Variants in CTNNA3 observed in about 807,000 individuals in gnomAD.
The protein encoded by CTNNA3 is catenin alpha-3.
CTNNA3 carries 76 observed loss-of-function variants against 95.7 expected under a neutral mutation model. That is an observed-to-expected ratio of 0.79 (90% CI 0.66 to 0.96). CTNNA3 has a LOEUF of 0.96. Among genes scored for constraint, CTNNA3 ranks in the 40% least tolerant of loss-of-function variants. The probability of loss-of-function intolerance (pLI) is 0.00; values close to 1 mark genes in which losing one functional copy is unlikely to be tolerated. For missense variants in CTNNA3, 1,191 were observed against 1,089.8 expected, an observed-to-expected ratio of 1.09 and a Z score of -1.31; for synonymous variants, 431 against 374.4, an observed-to-expected ratio of 1.15 and a Z score of -1.74.
At chr10:67,287,755 A>G (rs1207297527) in intron 5 of CTNNA3, among the ~76,000 whole-genome samples, 2 of 152,222 alleles carry the variant, frequency 1.3e-5, no homozygotes, top group Non-Finnish European at 2.9e-5. Context: ...TTAGAACACC[A>G]GCATTTGATA....
At chr10:67,752,529 G>A (rs921666731) in intron 1 of CTNNA3, among the ~76,000 whole-genome samples, 4 of 152,202 alleles carry the variant, frequency 2.6e-5, no homozygotes, top group African/African-American at 4.8e-5. Flanking sequence ...AGGAAGAGAG[G>A]AAGTTAAACT....
At chr10:67,759,318 T>TA (rs1841450300) in intron 1 of CTNNA3, among the ~76,000 whole-genome samples, 1 of 152,190 alleles carries the variant, frequency 6.6e-6, no homozygotes, top group Non-Finnish European at 1.5e-5. Flanking sequence ...CCAATTCATA[T>TA]AAAATTACAG....
At chr10:66,357,320 CT>C (rs1354685887) in intron 12 of CTNNA3, among the ~76,000 whole-genome samples, 3 of 151,860 alleles carry the variant, frequency 2.0e-5, no homozygotes, top group Admixed American at 6.6e-5. Context: ...TCTTCAGTGA[CT>C]TTTTTTTGAC....
At chr10:67,572,339 T>A (rs1842006534) in intron 3 of CTNNA3, among the ~76,000 whole-genome samples, 1 of 151,988 alleles carries the variant, frequency 6.6e-6, no homozygotes, top group South Asian at 2.1e-4. Flanking sequence ...CCATAGGAGG[T>A]CTGGAGAGTG....
intron 7 of CTNNA3, among the ~76,000 whole-genome samples, chr10:66,946,006 T>C (rs1408295168): frequency 6.6e-6 from 1 of 152,124 alleles, no homozygotes; most frequent in Admixed American, 6.6e-5. Context: ...ATAATAATCA[T>C]GAAAATGTTT....
At chr10:67,573,578 C>CTGA (rs1842045148) in intron 3 of CTNNA3, among the ~76,000 whole-genome samples, 1 of 151,926 alleles carries the variant, frequency 6.6e-6, no homozygotes, top group African/African-American at 2.4e-5. Flanking sequence ...TTTGTAAAAG[C>CTGA]TGAAAAGAAG....
At chr10:67,059,231 A>G (rs1027085265) in intron 7 of CTNNA3, among the ~76,000 whole-genome samples, 2 of 152,198 alleles carry the variant, frequency 1.3e-5, no homozygotes, top group African/African-American at 4.8e-5. Flanking sequence ...GAGCCAGATC[A>G]CCATTTTCCA....
chr10:66,579,524 T>G (rs970356776), intron 10 of CTNNA3, among the ~76,000 whole-genome samples: 20 of 151,792 alleles, frequency 1.3e-4, no homozygotes, highest in African/African-American at 4.3e-4. Flanking sequence ...TATTACAGAC[T>G]TAGAGGTATT....
chr10:67,260,431 C>T (rs78724249), intron 5 of CTNNA3, among the ~76,000 whole-genome samples: 4,820 of 152,222 alleles, frequency 0.032, 249 homozygotes, highest in African/African-American at 0.11. Context: ...AGTTTCTCCA[C>T]AAAATAATTT....
At chr10:67,609,090 C>CAAAAAAAAA (rs397977100) in intron 2 of CTNNA3, among the ~76,000 whole-genome samples, 3 of 79,662 alleles carry the variant, frequency 3.8e-5, no homozygotes, top group Middle Eastern at 9.1e-3. Flanking sequence ...AACTCTATCT[C>CAAAAAAAAA]AAAAAAAAAA....
intron 13 of CTNNA3, among the ~76,000 whole-genome samples, chr10:66,128,530 T>C (rs1459065755): frequency 6.6e-6 from 1 of 151,228 alleles, no homozygotes; most frequent in African/African-American, 2.4e-5. Context: ...TATTACCAAG[T>C]GAAAAAAAAA....
At chr10:66,243,713 G>A (rs1183841995) in intron 13 of CTNNA3, among the ~76,000 whole-genome samples, 1 of 152,166 alleles carries the variant, frequency 6.6e-6, no homozygotes, top group East Asian at 1.9e-4. Context: ...AGTCTCCTGA[G>A]GCTGAGTCAT....
At chr10:65,957,300 G>A (rs896480321) in intron 17 of CTNNA3, among the ~76,000 whole-genome samples, 1 of 152,108 alleles carries the variant, frequency 6.6e-6, no homozygotes, top group Non-Finnish European at 1.5e-5. Flanking sequence ...CGTGAGATGG[G>A]TCTCCTGAAT....
intron 11 of CTNNA3, among the ~76,000 whole-genome samples, chr10:66,431,047 T>A (rs2093290496): frequency 1.4e-5 from 2 of 139,488 alleles, no homozygotes; most frequent in Non-Finnish European, 3.0e-5. Flanking sequence ...GAACTCAAAT[T>A]TACAAGAAAA....
intron 15 of CTNNA3, among the ~76,000 whole-genome samples, chr10:66,023,390 G>A (rs1299645508): frequency 9.5e-6 from 1 of 105,514 alleles, no homozygotes; most frequent in East Asian, 3.1e-4. Context: ...TGAGTTTTAA[G>A]TGGCAAACAG....
intron 10 of CTNNA3, among the ~76,000 whole-genome samples, chr10:66,563,627 C>A (rs1342509970): frequency 6.6e-6 from 1 of 152,040 alleles, no homozygotes; most frequent in Non-Finnish European, 1.5e-5. Flanking sequence ...TCCTCCGATT[C>A]TATTCCTACA....
intron 11 of CTNNA3, among the ~76,000 whole-genome samples, chr10:66,487,788 A>G (rs890209257): frequency 5.3e-5 from 8 of 152,200 alleles, no homozygotes; most frequent in Non-Finnish European, 1.0e-4. Context: ...GTGTGTTCAA[A>G]TTTATTTTGA....
chr10:67,581,016 T>A (rs1842373584), intron 3 of CTNNA3, among the ~76,000 whole-genome samples: 1 of 152,162 alleles, frequency 6.6e-6, no homozygotes, highest in Non-Finnish European at 1.5e-5. Context: ...AGAGACAATT[T>A]GACTTCCTCT....
chr10:66,531,149 G>T (rs1360815003), intron 10 of CTNNA3, among the ~76,000 whole-genome samples: 3 of 152,194 alleles, frequency 2.0e-5, no homozygotes, highest in East Asian at 1.9e-4. Flanking sequence ...AAGAGGAAAA[G>T]AATATAAAAT....
Sources: gnomAD v4.1 joint callset for allele counts (sites outside exome capture counted in the v4.1 genomes callset) on GRCh38, gnomAD v4.1.1 for gene constraint, MANE v1.5 for transcripts, NCBI Gene and HGNC (gene_info 2026-07-23, HGNC 2026-07-21) for gene names.